HTT: variants seen among roughly 807,000 people sequenced by gnomAD.
The protein encoded by HTT is huntington disease protein.
HTT carries 104 observed loss-of-function variants against 362.3 expected under a neutral mutation model. That is an observed-to-expected ratio of 0.29 (90% CI 0.24 to 0.34). HTT has a LOEUF of 0.34. Among genes scored for constraint, HTT ranks in the 10% least tolerant of loss-of-function variants. The pLI is 1.00. For missense variants in HTT, 3,301 were observed against 3,928.6 expected (o/e 0.84, Z 4.27); for synonymous variants, 1,577 against 1,548.7 (o/e 1.02, Z -0.43).
chr4:3,210,058 C>T, intron 47 of HTT, 109 bp downstream of exon 47: 2 of 1,386,792 alleles, frequency 1.4e-6, no homozygotes, highest in South Asian at 2.6e-5. Context: ...ATGTTGGGGA[C>T]TCCAGTCTGG....
chr4:3,201,803 T>C (rs993306829), intron 41 of HTT, among the ~76,000 whole-genome samples: 2 of 152,192 alleles, frequency 1.3e-5, no homozygotes, highest in Non-Finnish European at 2.9e-5. Context: ...GATGAGTATC[T>C]TTTTATTTCC....
intron 23 of HTT, among the ~76,000 whole-genome samples, chr4:3,143,632 T>C (rs201429224): frequency 1.3e-5 from 2 of 151,606 alleles, no homozygotes; most frequent in East Asian, 3.9e-4. Context: ...AGACAGAGTT[T>C]TGCTCTTGTT....
intron 16 of HTT, 125 bp from the exon 17 acceptor site, chr4:3,132,437 T>G (rs1349214931): frequency 2.7e-6 from 2 of 744,560 alleles, no homozygotes; most frequent in Non-Finnish European, 4.4e-6. Context: ...TATAGTGAAG[T>G]CATTTCTGAA....
rs773948229 is a variant in HTT at position 3,214,020 on chromosome 4, G to A, written c.6837G>A (p.Leu2279=). 6.2e-7 allele frequency: 1 copy of A among 1,608,696 alleles called. No homozygotes were observed. The highest frequency in any genetic ancestry group is 8.5e-7 in the Non-Finnish European group (1 of 1,177,246). The change falls in exon 50 of 67, where the codon CTG becomes CTA. Residue 2279 remains leucine, a synonymous_variant. Coordinates refer to ENST00000355072, the MANE Select transcript of HTT (RefSeq NM_001388492.1). ...TGAGTCTGGATCTCCAGGCAGGGCT[G>A]GACTGCTGCTGCCTGGCCCTGCAGC... The part of the protein sequence containing the change: ...IPLSLDLQAG[L]DCCCLALQLP...
In HTT at chr4:3,121,375, G is replaced by A. The variant is rs769713450; in HGVS notation, c.1216G>A (p.Ala406Thr). 8.1e-6 allele frequency: 13 copies of A among 1,614,158 alleles called. No homozygotes were observed. Among genetic ancestry groups the A allele is most frequent in the Admixed American group, 5.0e-5 (3 of 60,028 alleles). Residue 406 changes from alanine to threonine, a missense_variant, in exon 9 of 67, where the codon GCT (alanine) becomes ACT (threonine). Transcript: ENST00000355072. ...TAVGGIGQLT[A>T]AKEESGGRSR... ...AGTCGGGGGCATTGGGCAGCTCACC[G>A]CTGCTAAGGAGGAGTCTGGTGGCCG...
chr4:3,216,612 G>A (rs1316993424), intron 51 of HTT, among the ~76,000 whole-genome samples: 4 of 152,226 alleles, frequency 2.6e-5, no homozygotes, highest in Non-Finnish European at 1.5e-5. Context: ...CCTGAAGTGG[G>A]TTCTGTTTGG....
intron 29 of HTT, among the ~76,000 whole-genome samples, chr4:3,169,829 C>A (rs1399339344): frequency 1.3e-5 from 2 of 152,274 alleles, no homozygotes; most frequent in East Asian, 3.8e-4. Flanking sequence ...CCGCCTCGGT[C>A]TCCCAAAGTG....
At chr4:3,093,905 G>GCT (rs1255170353) in intron 2 of HTT, among the ~76,000 whole-genome samples, 3 of 23,898 alleles carry the variant, frequency 1.3e-4, no homozygotes, top group African/African-American at 4.5e-4. Context: ...CTTTAAGTTG[G>GCT]TTTTTTTTTT....
At chr4:3,225,618 G>T (rs533901724) in intron 56 of HTT, 43 bp from the exon 57 acceptor site, 9 of 1,570,082 alleles carry the variant, frequency 5.7e-6, no homozygotes. Context: ...CTGCGGCCCT[G>T]CCCCCCTGTG....
At chr4:3,093,096 C>T (rs1346431917) in intron 2 of HTT, among the ~76,000 whole-genome samples, 2 of 152,184 alleles carry the variant, frequency 1.3e-5, no homozygotes, top group Non-Finnish European at 2.9e-5. Context: ...CGGAGACCTG[C>T]ACCCTGCCCT....
chr4:3,156,105 T>C (rs908783296), intron 27 of HTT, among the ~76,000 whole-genome samples: 4 of 152,096 alleles, frequency 2.6e-5, no homozygotes, highest in Non-Finnish European at 4.4e-5. Context: ...ATAAATGAAA[T>C]TTTGTATCCT....
chr4:3,193,670 AT>A (rs1323121155), intron 40 of HTT, among the ~76,000 whole-genome samples: 1 of 152,336 alleles, frequency 6.6e-6, no homozygotes, highest in East Asian at 1.9e-4. Context: ...GCACTGTCTA[AT>A]TTAGTTGCCT....
intron 63 of HTT, 87 bp downstream of exon 63, chr4:3,235,865 G>T (rs955193592): frequency 1.0e-5 from 11 of 1,050,132 alleles, no homozygotes; most frequent in Admixed American, 1.0e-4. Flanking sequence ...CCTCGACTAG[G>T]TGCCCTCTGA....
intron 41 of HTT, among the ~76,000 whole-genome samples, chr4:3,202,006 A>G (rs1719599546): frequency 6.6e-6 from 1 of 152,172 alleles, no homozygotes; most frequent in South Asian, 2.1e-4. Flanking sequence ...GCTCCAGGCG[A>G]CACTGGGTGC....
intron 3 of HTT, among the ~76,000 whole-genome samples, chr4:3,100,251 T>C (rs557512529): frequency 6.6e-6 from 1 of 152,344 alleles, no homozygotes; most frequent in South Asian, 2.1e-4. Context: ...ATTGTGTATG[T>C]GTGAGGACTA....
rs1380316300 is a variant in HTT, at chr4:3,084,237, C to G, written c.264-2702C>G. On this transcript the variant is annotated intron_variant, in intron 1 of 66. Transcript: ENST00000355072. ...TTTTTTTTTTGGCGACAGAGTCTTG[C>G]TCTGTTGCCCAGGCTGGAGTGCAGT... Among the ~76,000 whole-genome samples the G allele has an allele frequency of 9.7e-4, 119 of 122,362 alleles. 1 individual carries two copies. The highest frequency in any genetic ancestry group is 3.2e-4 in the Admixed American group (3 of 9,462). 80.3% of individuals were successfully genotyped at this position (122,362 alleles called of 152,430 possible).
chr4:3,093,905 G>GTTTTTTTTTTTTTTTTT (rs67455911), intron 2 of HTT, among the ~76,000 whole-genome samples: 20 of 23,896 alleles, frequency 8.4e-4, no homozygotes, highest in East Asian at 6.3e-3. Flanking sequence ...CTTTAAGTTG[G>GTTTTTTTTTTTTTTTTT]TTTTTTTTTT....
At position 3,127,665 on chromosome 4, in the gene HTT, C is replaced by A. The variant is rs1413848930; in HGVS notation, c.1743+61C>A. On this transcript the variant is annotated intron_variant, in intron 12 of 66. Transcript: ENST00000355072. ...ATTTTTTATTTGAGACAGAGTCTCA[C>A]TCCATAGTGCAGTGGAGGCCGGGCA... The A allele has an allele frequency of 4.0e-6, 5 of 1,262,812 alleles. No homozygotes were observed. In the African/African-American group the frequency reaches 7.5e-5, roughly 19 times the overall value. The allele number at this position is 1,262,812 out of a possible 1,614,324, so 78.2% of individuals were successfully genotyped here.
intron 59 of HTT, 64 bp from the exon 60 acceptor site, chr4:3,229,823 A>G (rs1454502023): frequency 6.5e-7 from 1 of 1,547,636 alleles, no homozygotes. Flanking sequence ...AGCGTTCTGG[A>G]TGCGTTGCCT....
Sources: allele counts gnomAD v4.1 joint callset (sites outside exome capture counted in the v4.1 genomes callset), GRCh38; gene constraint gnomAD v4.1.1; transcripts MANE v1.5; gene names NCBI Gene and HGNC (gene_info 2026-07-23, HGNC 2026-07-21).